NPSR1: variants seen among roughly 807,000 people sequenced by gnomAD.
NPSR1 encodes the protein neuropeptide S receptor.
In NPSR1, 48 loss-of-function variants were observed where a neutral mutation model predicts 46.9. The observed-to-expected ratio is 1.02, with a 90% CI of 0.81 to 1.30. NPSR1 has a LOEUF of 1.30. NPSR1 is among the 50% of genes most tolerant of loss of function. The pLI is 0.00. For synonymous variants in NPSR1, 176 were observed against 168.1 expected (o/e 1.05, Z -0.36); for missense variants, 450 against 449.5 (o/e 1.00, Z -0.01).
At chr7:34,790,995 T>TTATATGTTATATTA (rs1562730390) in intron 3 of NPSR1, among the ~76,000 whole-genome samples, 4 of 104,048 alleles carry the variant, frequency 3.8e-5, no homozygotes, top group East Asian at 2.7e-4. Context: ...ATTATATATG[T>TTATATGTTATATTA]TATATGTTAT....
intron 8 of NPSR1, among the ~76,000 whole-genome samples, chr7:34,876,489 T>C (rs892043138): frequency 3.3e-5 from 5 of 152,218 alleles, no homozygotes; most frequent in African/African-American, 9.6e-5. Context: ...TTCCTTTGCC[T>C]GTCAACTAGT....
chr7:34,845,270 C>T (rs1790702069), intron 7 of NPSR1, among the ~76,000 whole-genome samples: 1 of 152,190 alleles, frequency 6.6e-6, no homozygotes, highest in Non-Finnish European at 1.5e-5. Flanking sequence ...CTCACATCAC[C>T]AGCTAACTCA....
chr7:34,663,122 T>A (rs2530564), intron 1 of NPSR1, among the ~76,000 whole-genome samples: 37,763 of 140,846 alleles, frequency 0.27, 7,062 homozygotes, highest in African/African-American at 0.51. Flanking sequence ...AGAGGATGGA[T>A]GGTGAAGAGA....
At chr7:34,665,398 C>T (rs528009822) in intron 1 of NPSR1, among the ~76,000 whole-genome samples, 2 of 152,278 alleles carry the variant, frequency 1.3e-5, no homozygotes, top group African/African-American at 4.8e-5. Context: ...CAATAGGCAA[C>T]AGAAACGCCC....
At chr7:34,660,375 AC>A (rs1359971842) in intron 1 of NPSR1, among the ~76,000 whole-genome samples, 1 of 152,140 alleles carries the variant, frequency 6.6e-6, no homozygotes, top group Non-Finnish European at 1.5e-5. Flanking sequence ...TCTTAGTGTA[AC>A]TTTTTTTCTA....
At chr7:34,699,157 T>A (rs927962713) in intron 2 of NPSR1, among the ~76,000 whole-genome samples, 1 of 152,166 alleles carries the variant, frequency 6.6e-6, no homozygotes, top group African/African-American at 2.4e-5. Context: ...TGGCTCAAGC[T>A]TAGCATGGAT....
At position 34,805,244 on chromosome 7, in the gene NPSR1, A is replaced by G. The variant is rs551391536; in HGVS notation, c.385-6526A>G. Among the ~76,000 whole-genome samples the G allele has an allele frequency of 3.9e-5, 6 of 152,094 alleles. No homozygotes were observed. The East Asian group carries it at 9.6e-4, about 24-fold the overall frequency. ...CAATGCAATATTAAAGAAAAAGAGC[A>G]AGTTTGAACAACCAACACTACCTGA... On this transcript the variant is annotated intron_variant, in intron 3 of 8. Coordinates refer to ENST00000360581, the MANE Select transcript of NPSR1 (RefSeq NM_207172.2).
chr7:34,788,813 A>G (rs965845522), intron 3 of NPSR1, among the ~76,000 whole-genome samples: 2 of 152,124 alleles, frequency 1.3e-5, no homozygotes, highest in Non-Finnish European at 2.9e-5. Flanking sequence ...TGGACCTAAT[A>G]GACACATATA....
chr7:34,726,753 CA>C (rs1321300193), intron 2 of NPSR1, among the ~76,000 whole-genome samples: 2 of 147,286 alleles, frequency 1.4e-5, no homozygotes, highest in Non-Finnish European at 3.0e-5. Context: ...AGTCAATCTG[CA>C]AAGACTACAT....
At chr7:34,781,630 G>A (rs575000943) in intron 3 of NPSR1, among the ~76,000 whole-genome samples, 23 of 152,232 alleles carry the variant, frequency 1.5e-4, no homozygotes, top group African/African-American at 4.6e-4. Context: ...AACCCCAGAG[G>A]GGGAGATGTG....
intron 2 of NPSR1, among the ~76,000 whole-genome samples, chr7:34,726,248 C>A (rs553176997): frequency 6.6e-6 from 1 of 152,194 alleles, no homozygotes; most frequent in South Asian, 2.1e-4. Context: ...GGCAAATGAA[C>A]ATATGAAAAG....
At chr7:34,663,398 G>A (rs1791573728) in intron 1 of NPSR1, among the ~76,000 whole-genome samples, 1 of 152,062 alleles carries the variant, frequency 6.6e-6, no homozygotes, top group African/African-American at 2.4e-5. Flanking sequence ...TTGGGCTGCA[G>A]AAAACAAAAT....
At chr7:34,719,118 G>A (rs1783720583) in intron 2 of NPSR1, 1 of 152,516 alleles carries the variant, frequency 6.6e-6, no homozygotes, top group African/African-American at 2.4e-5. Context: ...TTTTCTGGAA[G>A]TTTATCTGGA....
At chr7:34,678,818 T>C (rs1257529699) in intron 1 of NPSR1, among the ~76,000 whole-genome samples, 2 of 145,676 alleles carry the variant, frequency 1.4e-5, no homozygotes, top group African/African-American at 5.3e-5. Flanking sequence ...AGAACTAGAC[T>C]CTGTCTCAAA....
chr7:34,874,600 C>T (rs1462140724), intron 8 of NPSR1, among the ~76,000 whole-genome samples: 2 of 152,206 alleles, frequency 1.3e-5, no homozygotes, highest in Admixed American at 6.5e-5. Context: ...GTGAGACCAT[C>T]TTGTCTTATT....
intron 2 of NPSR1, among the ~76,000 whole-genome samples, chr7:34,765,219 T>C (rs973766075): frequency 1.3e-5 from 2 of 152,146 alleles, no homozygotes; most frequent in African/African-American, 4.8e-5. Context: ...ATATTTGATA[T>C]ACTCTACACA....
chr7:34,710,851 T>A (rs1243018314), intron 2 of NPSR1: 2 of 488,344 alleles, frequency 4.1e-6, no homozygotes, highest in African/African-American at 4.0e-5. Context: ...ATCAAGCACC[T>A]GAGAAACAAG....
intron 5 of NPSR1, among the ~76,000 whole-genome samples, chr7:34,828,280 G>A (rs951052654): frequency 6.6e-6 from 1 of 152,350 alleles, no homozygotes; most frequent in African/African-American, 2.4e-5. Context: ...GAGTGGACAG[G>A]TACACAGTGC....
chr7:34,734,286 T>C (rs569235323), intron 2 of NPSR1, among the ~76,000 whole-genome samples: 1 of 152,194 alleles, frequency 6.6e-6, no homozygotes, highest in South Asian at 2.1e-4. Flanking sequence ...TTTTTAAAGG[T>C]CCCCAGATAG....
Sources: allele counts gnomAD v4.1 joint callset (sites outside exome capture counted in the v4.1 genomes callset), GRCh38; gene constraint gnomAD v4.1.1; transcripts MANE v1.5; gene names NCBI Gene and HGNC (gene_info 2026-07-23, HGNC 2026-07-21).